NEAT1: variants seen among roughly 807,000 people sequenced by gnomAD.
NEAT1 encodes nuclear paraspeckle assembly transcript 1, also known as MENepsilon/beta.
exon 1 of NEAT1, chr11:65,430,047 G>C (rs1464898408): frequency 6.6e-6 from 1 of 152,278 alleles, no homozygotes; most frequent in Non-Finnish European, 1.5e-5. Flanking sequence ...ACCTAATAGG[G>C]CACTGGAGCT....
chr11:65,430,482 G>C (rs1856605729), exon 1 of NEAT1: 1 of 152,156 alleles, frequency 6.6e-6, no homozygotes. Context: ...CCATGGATGG[G>C]TTTCTAGAAG....
chr11:65,444,319 G>A, exon 1 of NEAT1: 3 of 381,246 alleles, frequency 7.9e-6, no homozygotes, highest in African/African-American at 2.5e-5. Context: ...GTGTGTGTGT[G>A]TGTAAAAGAG....
At chr11:65,439,168 A>G (rs1205431414) in exon 1 of NEAT1, 1 of 152,136 alleles carries the variant, frequency 6.6e-6, no homozygotes, top group African/African-American at 2.4e-5. Context: ...GCTGTTGGCC[A>G]TATGTGTATG....
exon 1 of NEAT1, chr11:65,439,597 G>C (rs138351427): frequency 9.2e-5 from 14 of 151,942 alleles, no homozygotes; most frequent in African/African-American, 3.4e-4. Context: ...GAGGCACGAG[G>C]ATCACTTGAA....
exon 1 of NEAT1, chr11:65,434,160 A>G (rs1249779999): frequency 1.3e-5 from 2 of 152,092 alleles, no homozygotes; most frequent in African/African-American, 4.8e-5. Context: ...CAGTTAGTTT[A>G]TCAGTTCTCC....
chr11:65,437,202 T>C (rs1856666475), exon 1 of NEAT1: 1 of 140,896 alleles, frequency 7.1e-6, no homozygotes. Flanking sequence ...TATGTATATA[T>C]ATATATATGT....
At chr11:65,437,228 C>CATATATATATATATATATATATATACAT (rs377012577) in exon 1 of NEAT1, 1 of 129,286 alleles carries the variant, frequency 7.7e-6, no homozygotes, top group African/African-American at 3.0e-5. Flanking sequence ...TATATATATA[C>CATATATATATATATATATATATATACAT]ATATATATAT....
chr11:65,444,302 T>C (rs972163389), exon 1 of NEAT1: 6 of 335,900 alleles, frequency 1.8e-5, no homozygotes, highest in Non-Finnish European at 3.7e-5. Flanking sequence ...TGTGTGTGTG[T>C]GTGTGTGTGT....
At chr11:65,425,436 G>A (rs1454936937) in exon 1 of NEAT1, 4 of 152,168 alleles carry the variant, frequency 2.6e-5, no homozygotes, top group Non-Finnish European at 5.9e-5. Flanking sequence ...AAGTGAATTA[G>A]TCACTTGAAA....
At chr11:65,441,138 A>G (rs1856710706) in exon 1 of NEAT1, 1 of 152,092 alleles carries the variant, frequency 6.6e-6, no homozygotes, top group Non-Finnish European at 1.5e-5. Context: ...GTTTGTGTGA[A>G]ACTGAAATGA....
At chr11:65,441,989 G>C (rs1364195296) in exon 1 of NEAT1, 3 of 152,306 alleles carry the variant, frequency 2.0e-5, no homozygotes, top group African/African-American at 7.2e-5. Flanking sequence ...GGGGCGTGCA[G>C]TGTCTGTAAG....
At chr11:65,440,561 G>T (rs1565636274) in exon 1 of NEAT1, 1 of 152,060 alleles carries the variant, frequency 6.6e-6, no homozygotes. Flanking sequence ...CAGTGGTCAG[G>T]GAAGGTAACC....
chr11:65,439,878 CTT>C (rs1264727139), exon 1 of NEAT1: 1 of 152,102 alleles, frequency 6.6e-6, no homozygotes, highest in Non-Finnish European at 1.5e-5. Context: ...CAGTGTGTCT[CTT>C]TGTGTAGAAT....
exon 1 of NEAT1, chr11:65,423,315 C>T (rs749229557): frequency 5.9e-5 from 9 of 152,378 alleles, no homozygotes; most frequent in Non-Finnish European, 8.8e-5. Context: ...GTGAACCCGC[C>T]TGGGGATGAG....
At chr11:65,442,964 A>T (rs1466911248) in exon 1 of NEAT1, 1 of 152,240 alleles carries the variant, frequency 6.6e-6, no homozygotes, top group Admixed American at 6.5e-5. Context: ...TAGAATGGTT[A>T]TCTGAGGAAG....
At chr11:65,437,354 CTTTTTA>C (rs951524566) in exon 1 of NEAT1, 1 of 151,326 alleles carries the variant, frequency 6.6e-6, no homozygotes, top group African/African-American at 2.4e-5. Flanking sequence ...TCTCCTAACT[CTTTTTA>C]TTTTTATTTT....
At chr11:65,427,040 T>A (rs1278340926) in exon 1 of NEAT1, 2 of 152,146 alleles carry the variant, frequency 1.3e-5, no homozygotes, top group Non-Finnish European at 2.9e-5. Flanking sequence ...GGTGAGTGAC[T>A]AAAACGTCTG....
chr11:65,426,256 A>T (rs1856560374), exon 1 of NEAT1: 1 of 152,198 alleles, frequency 6.6e-6, no homozygotes, highest in Admixed American at 6.5e-5. Flanking sequence ...ATGTTTAAAA[A>T]TATGTTGACA....
At chr11:65,433,984 T>C (rs1325659238) in exon 1 of NEAT1, 4 of 152,200 alleles carry the variant, frequency 2.6e-5, no homozygotes, top group South Asian at 2.1e-4. Context: ...AAATGTGTTT[T>C]TCAGAGTATA....
Sources: gnomAD v4.1 joint callset for allele counts on GRCh38, gnomAD v4.1.1 for gene constraint, MANE v1.5 for transcripts, NCBI Gene and HGNC (gene_info 2026-07-23, HGNC 2026-07-21) for gene names.